MGAM: variants seen among roughly 807,000 people sequenced by gnomAD.
MGAM encodes the protein alpha-1,4-glucosidase.
A neutral mutation model predicts 358.8 loss-of-function variants in MGAM; 253 were observed. That is an observed-to-expected ratio of 0.71 (90% CI 0.64 to 0.78). The LOEUF is 0.78. Ranked by LOEUF, MGAM falls within the 30% of genes least tolerant of loss-of-function variation. The probability of loss-of-function intolerance (pLI) is 0.00; values close to 1 mark genes in which losing one functional copy is unlikely to be tolerated. For missense variants in MGAM, 3,080 were observed against 3,432.6 expected, an observed-to-expected ratio of 0.90 and a Z score of 2.57; for synonymous variants, 1,105 against 1,227.1, an observed-to-expected ratio of 0.90 and a Z score of 2.08.
chr7:142,095,532 C>T (rs779868036), intron 63 of MGAM, 33 bp from the exon 64 acceptor site: 7 of 1,611,534 alleles, frequency 4.3e-6, no homozygotes, highest in Non-Finnish European at 5.9e-6. Flanking sequence ...AATTCCAGGG[C>T]AAGCTCCCAA....
rs1554457581 is a variant in MGAM at position 142,019,311 on chromosome 7, C to T, written c.440C>T (p.Thr147Ile). 1 of 1,612,854 alleles carries T rather than the reference C, an allele frequency of 6.2e-7. No homozygotes were observed. The highest frequency in any genetic ancestry group is 8.5e-7 in the Non-Finnish European group (1 of 1,179,578). Residue 147 changes from threonine to isoleucine, a missense_variant, in exon 4 of 71, where the codon ACA becomes ATA. Around this residue, in one of 5 missense-constraint regions of MGAM, gnomAD observed 1,816 missense variants for 1,840.5 expected, o/e 0.99. Coordinates refer to ENST00000475668, the MANE Select transcript of MGAM (RefSeq NM_001365693.1). ...SYHVEGNLVN[T>I]NAGFTARLKN... ...CATGTAGAGGGCAACCTTGTCAACA[C>T]AAATGCAGGTAAGCCAGAGTCTGCC...
At position 142,055,634 on chromosome 7, in the gene MGAM, C is replaced by T; in HGVS notation, c.3391C>T (p.Leu1131Phe). 2 of 1,613,970 alleles carry T rather than the reference C, an allele frequency of 1.2e-6. No homozygotes were observed. Among genetic ancestry groups the T allele is most frequent in the Non-Finnish European group, 1.7e-6 (2 of 1,179,884 alleles). ...CTCCACCCGCCTTCCCTCCAAGTACCTCTATGGCTTTGGGGAAACTGAGCA... is the reference window on the plus strand; with the variant it reads ...CTCCACCCGCCTTCCCTCCAAGTACTTCTATGGCTTTGGGGAAACTGAGCA... Reference protein sequence around the residue: ...RISTRLPSKYLYGFGETEHRS... With the variant: ...RISTRLPSKYFYGFGETEHRS... The change falls in exon 28 of 71, where the codon CTC becomes TTC. Residue 1131 changes from leucine to phenylalanine, a missense_variant. Coordinates refer to ENST00000475668, the MANE Select transcript of MGAM (RefSeq NM_001365693.1).
chr7:141,992,895 ACTCGGC>A (rs1554447626), upstream of MGAM, among the ~76,000 whole-genome samples: 144 of 152,102 alleles, frequency 9.5e-4, no homozygotes, highest in African/African-American at 3.4e-3. Flanking sequence ...AGGTCTTGGC[ACTCGGC>A]CAGCCTCCAT....
chr7:142,064,470 C>T lies in MGAM; in HGVS notation c.4432C>T (p.His1478Tyr). Residue 1478 changes from histidine (H) to tyrosine (Y), a missense_variant, in exon 37 of 71, where the codon CAC becomes TAC. His to Tyr is a moderately conservative substitution (Grantham distance 83). Coordinates refer to ENST00000475668, the MANE Select transcript of MGAM (RefSeq NM_001365693.1). ...QILPDGSLVQ[H>Y]YNVHNLYGWS... ...CCTCCCAGACGGCTCCCTGGTGCAG[C>T]ACTACAACGTGCACAACCTGTATGG... The T allele has an allele frequency of 6.3e-7, 1 of 1,590,634 alleles. No individual in the cohort carries two copies. The highest frequency in any genetic ancestry group is 8.6e-7 in the Non-Finnish European group (1 of 1,168,462).
At chr7:142,103,474 C>T (rs1433411398) in intron 70 of MGAM, 35 bp downstream of exon 70, 1 of 1,549,110 alleles carries the variant, frequency 6.5e-7, no homozygotes, top group African/African-American at 1.4e-5. Flanking sequence ...ATGGTATTCT[C>T]CACCCTTAAT....
chr7:142,063,150 A>G (rs1202761001), intron 35 of MGAM, among the ~76,000 whole-genome samples: 1 of 152,148 alleles, frequency 6.6e-6, no homozygotes, highest in Non-Finnish European at 1.5e-5. Context: ...GTGAGCCAGG[A>G]TCGCACCATT....
intron 14 of MGAM, among the ~76,000 whole-genome samples, 171 bp downstream of exon 14, chr7:142,033,080 T>C (rs932482539): frequency 5.3e-5 from 8 of 152,208 alleles, no homozygotes; most frequent in African/African-American, 1.9e-4. Context: ...AAACACACTA[T>C]GCTTTCCTAA....
At chr7:142,059,654 G>A (rs1274024685) in intron 32 of MGAM, 54 bp downstream of exon 32, 10 of 1,606,204 alleles carry the variant, frequency 6.2e-6, no homozygotes, top group African/African-American at 1.3e-5. Context: ...ATGGGCTTTG[G>A]TGGAGTCAGA....
At chr7:142,037,106 A>G in intron 18 of MGAM, 129 bp downstream of exon 18, 1 of 931,682 alleles carries the variant, frequency 1.1e-6, no homozygotes, top group East Asian at 2.5e-5. Context: ...CTATATCTGT[A>G]ATCTAGCTAT....
intron 30 of MGAM, 28 bp from the exon 31 acceptor site, chr7:142,058,175 A>G (rs745647325): frequency 5.0e-6 from 8 of 1,613,394 alleles, no homozygotes; most frequent in Admixed American, 3.3e-5. Flanking sequence ...TCTGTTCTGA[A>G]GACTAATATT....
chr7:142,095,841 C>G, intron 64 of MGAM, 128 bp downstream of exon 64: 1 of 1,383,596 alleles, frequency 7.2e-7, no homozygotes, highest in Non-Finnish European at 9.9e-7. Flanking sequence ...GCAGACCATA[C>G]TTTATTACTC....
chr7:142,045,186 T>TA (rs1809947221), intron 21 of MGAM, among the ~76,000 whole-genome samples: 2 of 73,662 alleles, frequency 2.7e-5, no homozygotes, highest in African/African-American at 1.1e-4. Context: ...ATAACATATA[T>TA]GATATATAAT....
intron 30 of MGAM, among the ~76,000 whole-genome samples, chr7:142,057,987 A>G (rs1811721619): frequency 3.3e-5 from 5 of 152,260 alleles, no homozygotes; most frequent in South Asian, 4.2e-4. Flanking sequence ...GGAATAGCGT[A>G]ACATCAGATT....
intron 43 of MGAM, among the ~76,000 whole-genome samples, chr7:142,069,457 A>G (rs775637933): frequency 6.9e-6 from 1 of 145,488 alleles, no homozygotes; most frequent in Non-Finnish European, 1.6e-5. Flanking sequence ...TTCGTTTCTA[A>G]CTAGGCCTCT....
chr7:142,090,422 C>G (rs1442928466), intron 57 of MGAM, among the ~76,000 whole-genome samples: 1 of 145,694 alleles, frequency 6.9e-6, no homozygotes, highest in Non-Finnish European at 1.6e-5. Flanking sequence ...GAAAGATTCT[C>G]TTTGTCAGGT....
At chr7:142,057,071 A>G (rs1161867474) in intron 30 of MGAM, 129 bp downstream of exon 30, 2 of 797,366 alleles carry the variant, frequency 2.5e-6, no homozygotes, top group Non-Finnish European at 3.9e-6. Flanking sequence ...AGATTATAGA[A>G]TGAGAAAAAA....
At chr7:142,044,367 A>G (rs1454266500) in intron 21 of MGAM, among the ~76,000 whole-genome samples, 1 of 133,918 alleles carries the variant, frequency 7.5e-6, no homozygotes, top group Non-Finnish European at 1.6e-5. Flanking sequence ...ACGATATATG[A>G]TATATAATGA....
At chr7:142,064,263 T>C (rs1278906687) in intron 36 of MGAM, 121 bp from the exon 37 acceptor site, 16 of 1,421,986 alleles carry the variant, frequency 1.1e-5, no homozygotes, top group African/African-American at 1.4e-5. Context: ...TCTGGGGAGA[T>C]GGAGAGCGAC....
rs569200481 is a variant in MGAM at position 142,026,153 on chromosome 7, G to A, written c.983-962G>A. Among the ~76,000 whole-genome samples, 5 of 152,134 alleles carry A rather than the reference G, an allele frequency of 3.3e-5. No individual in the cohort carries two copies. In the East Asian group the frequency reaches 9.6e-4, roughly 29 times the overall value. On this transcript the variant is annotated intron_variant, in intron 8 of 70. Coordinates refer to ENST00000475668, the MANE Select transcript of MGAM (RefSeq NM_001365693.1). ...AGGTAATGACACAACTTTTAAGAAT[G>A]GTGATTGGCACATAGAAGGGTTTTG... is the stretch of plus-strand genomic sequence containing the variant.
Sources: allele counts gnomAD v4.1 joint callset (sites outside exome capture counted in the v4.1 genomes callset), GRCh38; gene constraint gnomAD v4.1.1; regional missense constraint gnomAD v4.1.1; transcripts MANE v1.5; gene names NCBI Gene and HGNC (gene_info 2026-07-23, HGNC 2026-07-21).